Variants in CSMD2 observed in about 807,000 individuals in gnomAD.
CSMD2 encodes the protein CUB and Sushi multiple domains 2, also known as CUB and sushi domain-containing protein 2.
Under a neutral mutation model 398.5 loss-of-function variants are expected in CSMD2, and 130 were observed. The observed-to-expected ratio is 0.33, with a 90% confidence interval of 0.28 to 0.38. The LOEUF (loss-of-function observed/expected upper bound fraction) is 0.38. CSMD2 is among the 10% of genes least tolerant of loss of function. CSMD2 has a pLI of 1.00. For missense variants in CSMD2, 3,829 were observed against 4,764.9 expected (o/e 0.80, Z 5.78); for synonymous variants, 1,828 against 1,908.5 (o/e 0.96, Z 1.10).
chr1:34,144,636 G>A (rs146957166), intron 1 of CSMD2, among the ~76,000 whole-genome samples: 1 of 152,294 alleles, frequency 6.6e-6, no homozygotes, highest in East Asian at 1.9e-4. Context: ...TCCAATCAGC[G>A]TTATCGGTAA....
intron 10 of CSMD2, among the ~76,000 whole-genome samples, chr1:33,801,127 T>G (rs1331497000): frequency 1.3e-5 from 2 of 152,190 alleles, no homozygotes; most frequent in African/African-American, 4.8e-5. Flanking sequence ...CTGTTATCTT[T>G]GCTTTGAAGT....
chr1:33,864,378 C>T (rs758714063), intron 5 of CSMD2: 2 of 1,614,094 alleles, frequency 1.2e-6, no homozygotes, highest in South Asian at 2.2e-5. Flanking sequence ...ATATGAAGCC[C>T]TGGCCAAACT....
At chr1:33,575,371 G>A (rs1489445496) in intron 49 of CSMD2, among the ~76,000 whole-genome samples, 1 of 152,144 alleles carries the variant, frequency 6.6e-6, no homozygotes, top group Non-Finnish European at 1.5e-5. Flanking sequence ...GGTGGAGGGG[G>A]ATTAACAATC....
chr1:33,788,696 C>T lies in CSMD2; in HGVS notation c.1567G>A (p.Val523Ile), dbSNP rs752810281. The T allele has an allele frequency of 5.0e-6, 8 of 1,611,828 alleles. No homozygotes were observed. Among genetic ancestry groups the T allele is most frequent in the Non-Finnish European group, 4.2e-6 (5 of 1,178,114 alleles). Residue 523 changes from valine (V) to isoleucine (I), a missense_variant, in exon 12 of 71, where the codon GTC becomes ATC. This residue lies in a region of CSMD2 where 2,001 missense variants were observed against 2,567.1 expected (regional missense o/e 0.78). Transcript: ENST00000373381. ...TTGGTGCTGACAATGAGATCCGGGA[C>T]CGATGTACCTGTCAGGCTGGCAGGA... ...TVLYILTGTS[V>I]PDLIVSTNHQ...
At chr1:34,057,841 A>G (rs1654024722) in intron 2 of CSMD2, among the ~76,000 whole-genome samples, 1 of 152,178 alleles carries the variant, frequency 6.6e-6, no homozygotes, top group Admixed American at 6.5e-5. Flanking sequence ...GCCATAAATA[A>G]TCAGGGCAAT....
chr1:33,691,198 A>T lies in CSMD2; in HGVS notation c.4052+1732T>A, dbSNP rs149818378. Among the ~76,000 whole-genome samples, 58 of 152,308 alleles carry T rather than the reference A, an allele frequency of 3.8e-4. No homozygotes were observed. In the Middle Eastern group the frequency reaches 0.01, roughly 27 times the overall value. On this transcript the variant is annotated intron_variant, in intron 25 of 70. Transcript: ENST00000373381. ...TGTCATTGAAGAGAAGTGGAAAATA[A>T]GGTTGGGGAGGGAGGCTGAAGTCGC...
Position 33,793,296 on chromosome 1 carries a change from AC to A in CSMD2, c.1447-771del, listed in dbSNP as rs1201449744. Among the ~76,000 whole-genome samples the A allele has an allele frequency of 4.0e-5, 6 of 151,774 alleles. No individual in the cohort carries two copies. The East Asian group carries it at 1.2e-3, about 30-fold the overall frequency. On this transcript the variant is annotated intron_variant, in intron 10 of 70. Coordinates refer to ENST00000373381, the MANE Select transcript of CSMD2 (RefSeq NM_001281956.2). ...GAGGAAATTCTGAAGGCTACTGATGACCCCATCAGGCCAAAGGGGGATGCTT... is the reference window on the plus strand; with the variant it reads ...GAGGAAATTCTGAAGGCTACTGATGACCCATCAGGCCAAAGGGGGATGCTT...
intron 3 of CSMD2, among the ~76,000 whole-genome samples, chr1:34,016,110 A>G (rs577974029): frequency 2.0e-5 from 3 of 151,988 alleles, no homozygotes; most frequent in Non-Finnish European, 2.9e-5. Context: ...TAAGATTTAT[A>G]GTTTATCATT....
Position 33,537,231 on chromosome 1 carries a change from G to T in CSMD2, c.9806-136C>A. The T allele has an allele frequency of 2.7e-6, 3 of 1,130,814 alleles. No homozygotes were observed. Among genetic ancestry groups the T allele is most frequent in the Non-Finnish European group, 2.6e-6 (2 of 768,180 alleles). The allele number at this position is 1,130,814 out of a possible 1,614,324, so 70.0% of individuals were successfully genotyped here. On this transcript the variant is annotated intron_variant, in intron 61 of 70. Coordinates refer to ENST00000373381, the MANE Select transcript of CSMD2 (RefSeq NM_001281956.2). This position sits in a 1 kb window ranked among gnomAD's most constrained non-coding sequence, Gnocchi z 4.6. ...CCTGCCCACTGAGATCCCCACCTGA[G>T]CCTTGGCCCTGGCTGTCTATTTGAC...
chr1:33,596,247 G>A (rs538475168), intron 44 of CSMD2, among the ~76,000 whole-genome samples: 8 of 151,976 alleles, frequency 5.3e-5, no homozygotes, highest in African/African-American at 1.2e-4. Flanking sequence ...GTGGCTGTCC[G>A]CCTTCCTCTG....
chr1:33,646,475 A>G (rs967432231), intron 29 of CSMD2, among the ~76,000 whole-genome samples, 173 bp downstream of exon 29: 11 of 151,428 alleles, frequency 7.3e-5, no homozygotes, highest in Non-Finnish European at 1.0e-4. Flanking sequence ...GTGAAAGACT[A>G]AGCCCAGATG....
chr1:33,551,871 A>G (rs552719193), intron 55 of CSMD2, among the ~76,000 whole-genome samples: 45 of 152,282 alleles, frequency 3.0e-4, no homozygotes, highest in Non-Finnish European at 6.3e-4. Context: ...TTGGAGTACT[A>G]TGCCACCATG....
intron 5 of CSMD2, among the ~76,000 whole-genome samples, chr1:33,912,455 C>G (rs1260415369): frequency 1.3e-5 from 2 of 151,656 alleles, no homozygotes; most frequent in Non-Finnish European, 2.9e-5. Context: ...CACTGGCCCC[C>G]AAGACAAGAG....
intron 45 of CSMD2, 62 bp downstream of exon 45, chr1:33,587,026 G>A (rs968706888): frequency 3.7e-5 from 50 of 1,349,894 alleles, no homozygotes; most frequent in South Asian, 2.4e-4. Flanking sequence ...AGCTCCCCCC[G>A]CCACCTTCCC....
At chr1:33,579,503 A>G (rs1220495508) in intron 48 of CSMD2, among the ~76,000 whole-genome samples, 3 of 151,988 alleles carry the variant, frequency 2.0e-5, no homozygotes, top group Admixed American at 6.6e-5. Context: ...AGGGGCCCTC[A>G]GCTTCCTCTG....
In CSMD2 at chr1:33,605,979, T is replaced by C. The variant is rs1358983863; in HGVS notation, c.6344-509A>G. The C allele has an allele frequency of 3.7e-6, 6 of 1,612,010 alleles. No individual in the cohort carries two copies. In the Admixed American group the frequency reaches 1.0e-4, roughly 27 times the overall value. The stretch of plus-strand genomic sequence containing the variant: ...CAGGAAGGAAGAAATCTGGTGGGAG[T>C]AAGTCAAATCTGTGGCAAGGAGAGA... On this transcript the variant is annotated intron_variant, in intron 41 of 70. Coordinates refer to ENST00000373381, the MANE Select transcript of CSMD2 (RefSeq NM_001281956.2).
chr1:33,827,371 G>A (rs1570145134), intron 6 of CSMD2, among the ~76,000 whole-genome samples: 1 of 152,166 alleles, frequency 6.6e-6, no homozygotes, highest in East Asian at 1.9e-4. Context: ...TCTCTGATGT[G>A]CCTACAATAT....
chr1:33,968,012 C>T (rs12565277), intron 3 of CSMD2, among the ~76,000 whole-genome samples: 8,039 of 152,216 alleles, frequency 0.053, 313 homozygotes, highest in East Asian at 0.18. Flanking sequence ...TGCCCATCTC[C>T]GCGACTATTT....
At chr1:33,706,586 GTCT>G (rs901095320) in intron 22 of CSMD2, among the ~76,000 whole-genome samples, 1 of 152,142 alleles carries the variant, frequency 6.6e-6, no homozygotes, top group Admixed American at 6.5e-5. Flanking sequence ...CCGAAGACAT[GTCT>G]TCTTCTTCTG....
Sources: allele counts gnomAD v4.1 joint callset (sites outside exome capture counted in the v4.1 genomes callset), GRCh38; gene constraint gnomAD v4.1.1; regional missense constraint gnomAD v4.1.1; non-coding constraint Gnocchi (gnomAD v3.1); transcripts MANE v1.5; gene names NCBI Gene and HGNC (gene_info 2026-07-23, HGNC 2026-07-21).